EGLN1: variants seen among roughly 807,000 people sequenced by gnomAD.
EGLN1 encodes the protein egl-9 family hypoxia inducible factor 1, also known as egl nine homolog 1.
EGLN1 carries 17 observed loss-of-function variants against 38.3 expected under a neutral mutation model. The ratio of observed to expected loss-of-function variants is 0.44; its 90% CI spans 0.30 to 0.67. The LOEUF (loss-of-function observed/expected upper bound fraction) is 0.67, where lower values mean the gene tolerates loss of function less well. Among genes scored for constraint, EGLN1 ranks in the 30% least tolerant of loss-of-function variants. EGLN1 has a pLI of 0.08. For synonymous variants in EGLN1, 283 were observed against 257.5 expected (o/e 1.10, Z -0.95); for missense variants, 477 against 603.3 (o/e 0.79, Z 2.19).
intron 1 of EGLN1, among the ~76,000 whole-genome samples, chr1:231,409,901 T>C (rs1157342855): frequency 6.8e-6 from 1 of 146,450 alleles, no homozygotes; most frequent in African/African-American, 2.6e-5. Context: ...GTGTCTAAAA[T>C]CAGAGAGCAA....
intron 1 of EGLN1, among the ~76,000 whole-genome samples, chr1:231,412,731 A>T (rs1184161674): frequency 2.0e-5 from 3 of 152,226 alleles, no homozygotes; most frequent in African/African-American, 7.2e-5. Flanking sequence ...GTGAAAATAT[A>T]GAACATATAA....
At chr1:231,416,301 G>C (rs1488063125) in intron 1 of EGLN1, among the ~76,000 whole-genome samples, 1 of 151,860 alleles carries the variant, frequency 6.6e-6, no homozygotes, top group African/African-American at 2.4e-5. Flanking sequence ...ATCTGGCCCG[G>C]AATCCATTAT....
intron 2 of EGLN1, 50 bp from the exon 3 acceptor site, chr1:231,370,748 G>C: frequency 6.2e-7 from 1 of 1,603,260 alleles, no homozygotes; most frequent in South Asian, 1.1e-5. Context: ...AATGCTACAA[G>C]ATTAAATTTA....
intron 1 of EGLN1, among the ~76,000 whole-genome samples, chr1:231,413,844 A>G (rs143923865): frequency 6.3e-4 from 95 of 149,730 alleles, no homozygotes; most frequent in African/African-American, 2.3e-3. Context: ...GACCTGGAAC[A>G]CTGAATAAGA....
At chr1:231,417,519 A>G (rs1056921747) in intron 1 of EGLN1, among the ~76,000 whole-genome samples, 7 of 152,096 alleles carry the variant, frequency 4.6e-5, no homozygotes, top group Non-Finnish European at 8.8e-5. Flanking sequence ...ACTCTTCACA[A>G]AACAGCAGAC....
In EGLN1 at chr1:231,366,435, A is replaced by T. The variant is rs1348057473; in HGVS notation, c.1257T>A (p.Asp419Glu). Residue 419 changes from aspartate (D) to glutamate (E), a missense_variant, in exon 5 of 5, where the codon GAT (aspartate) becomes GAA (glutamate). Asp to Glu is a conservative substitution (Grantham distance 45). Coordinates refer to ENST00000366641, the MANE Select transcript of EGLN1 (RefSeq NM_022051.3). Reference sequence around the variant, plus strand: ...TCTAGAAGACGTCTTTACCGACCGAATCTGAAGGTTTATTGAGTTCAACCC... The same window carrying T: ...TCTAGAAGACGTCTTTACCGACCGATTCTGAAGGTTTATTGAGTTCAACCC... Reference protein sequence around the residue: ...GVRVELNKPSDSVGKDVF With the variant: ...GVRVELNKPSESVGKDVF 1.2e-5 allele frequency: 19 copies of T among 1,613,950 alleles called. No individual in the cohort carries two copies. The highest frequency in any genetic ancestry group is 1.6e-5 in the Non-Finnish European group (19 of 1,180,016).
At chr1:231,412,565 T>A (rs1688981568) in intron 1 of EGLN1, among the ~76,000 whole-genome samples, 1 of 152,180 alleles carries the variant, frequency 6.6e-6, no homozygotes, top group Non-Finnish European at 1.5e-5. Flanking sequence ...ACACTAAAAG[T>A]GTTGCAAGGT....
At position 231,373,730 on chromosome 1, in the gene EGLN1, A is replaced by G. The variant is rs150136494; in HGVS notation, c.1011+250T>C. Among the ~76,000 whole-genome samples, 1,113 of 152,038 alleles carry G rather than the reference A, an allele frequency of 7.3e-3. 8 individuals are homozygous for G. Among genetic ancestry groups the G allele is most frequent in the South Asian group, 0.011 (52 of 4,818 alleles). On this transcript the variant is annotated intron_variant, in intron 2 of 4. Transcript: ENST00000366641. ...TGTGTGTGTGTTTAGAACACTGAAC[A>G]TGGAGTCTACCCTCTTAAATTTTTA... is the stretch of plus-strand genomic sequence containing the variant.
intron 1 of EGLN1, among the ~76,000 whole-genome samples, chr1:231,418,866 A>AG (rs200516524): frequency 0.15 from 22,439 of 150,932 alleles, 2,026 homozygotes; most frequent in African/African-American, 0.24. Context: ...TGTCTCCAAA[A>AG]AAAAAAAAAA....
intron 1 of EGLN1, among the ~76,000 whole-genome samples, chr1:231,389,659 G>A (rs895482072): frequency 7.2e-5 from 11 of 151,990 alleles, no homozygotes; most frequent in African/African-American, 2.7e-4. Flanking sequence ...TAAGAACAGT[G>A]GGGCTCTGAC....
intron 1 of EGLN1, among the ~76,000 whole-genome samples, chr1:231,377,476 G>A (rs544396512): frequency 1.3e-5 from 2 of 152,214 alleles, no homozygotes; most frequent in East Asian, 3.8e-4. Flanking sequence ...CTAATGAGTG[G>A]AGAGTAAGAA....
At chr1:231,383,023 A>G (rs184072360) in intron 1 of EGLN1, among the ~76,000 whole-genome samples, 5 of 141,886 alleles carry the variant, frequency 3.5e-5, no homozygotes, top group Non-Finnish European at 7.5e-5. Flanking sequence ...GCACCACTGC[A>G]TTCCAGCCTG....
intron 1 of EGLN1, among the ~76,000 whole-genome samples, chr1:231,389,967 C>CA (rs754717490): frequency 8.6e-5 from 13 of 151,160 alleles, no homozygotes; most frequent in South Asian, 8.4e-4. Flanking sequence ...AACAAACAAA[C>CA]AACAACAACA....
At chr1:231,410,497 C>T (rs531962419) in intron 1 of EGLN1, among the ~76,000 whole-genome samples, 14 of 152,218 alleles carry the variant, frequency 9.2e-5, no homozygotes, top group Non-Finnish European at 7.4e-5. Flanking sequence ...AGACTGTGCC[C>T]AATTCCTTGT....
chr1:231,415,817 C>A (rs1357102356), intron 1 of EGLN1, among the ~76,000 whole-genome samples: 2 of 151,888 alleles, frequency 1.3e-5, no homozygotes, highest in African/African-American at 4.8e-5. Flanking sequence ...GGATCCAACC[C>A]AGATCTAATG....
intron 2 of EGLN1, among the ~76,000 whole-genome samples, chr1:231,372,202 T>C (rs903907672): frequency 6.6e-6 from 1 of 152,222 alleles, no homozygotes; most frequent in African/African-American, 2.4e-5. Context: ...TCTTGACACT[T>C]TGCATAACTA....
intron 1 of EGLN1, among the ~76,000 whole-genome samples, chr1:231,398,644 T>C (rs2790878): frequency 0.58 from 87,365 of 151,488 alleles, 25,891 homozygotes; most frequent in Non-Finnish European, 0.65. Context: ...TCTCCTAATA[T>C]CCACTCTGGG....
intron 1 of EGLN1, among the ~76,000 whole-genome samples, chr1:231,376,338 C>T (rs376957640): frequency 8.5e-5 from 13 of 152,276 alleles, no homozygotes; most frequent in East Asian, 7.7e-4. Context: ...AGATGCTATC[C>T]ACCCATTAGT....
At position 231,392,998 on chromosome 1, in the gene EGLN1, G is replaced by A. The variant is rs1688432430; in HGVS notation, c.892-18899C>T. Among the ~76,000 whole-genome samples, 6 of 152,314 alleles carry A rather than the reference G, an allele frequency of 3.9e-5. No homozygotes were observed. The South Asian group carries it at 1.2e-3, about 32-fold the overall frequency. On this transcript the variant is annotated intron_variant, in intron 1 of 4. Coordinates refer to ENST00000366641, the MANE Select transcript of EGLN1 (RefSeq NM_022051.3). ...TGGCCAGAAGTTGGTTCAGAAATGGGCAAAGGGCCTAAGCCAATCAGAGGC... is the reference window on the plus strand; with the variant it reads ...TGGCCAGAAGTTGGTTCAGAAATGGACAAAGGGCCTAAGCCAATCAGAGGC...
Sources: allele counts gnomAD v4.1 joint callset (sites outside exome capture counted in the v4.1 genomes callset), GRCh38; gene constraint gnomAD v4.1.1; transcripts MANE v1.5; gene names NCBI Gene and HGNC (gene_info 2026-07-23, HGNC 2026-07-21).